Variants in CYP4X1 observed in about 807,000 individuals in gnomAD.
CYP4X1 encodes cytochrome P450 4X1.
In CYP4X1, 44 loss-of-function variants were observed where a neutral mutation model predicts 57.9. The ratio of observed to expected loss-of-function variants is 0.76; its 90% CI spans 0.60 to 0.98. The LOEUF (loss-of-function observed/expected upper bound fraction) is 0.98, where lower values mean the gene tolerates loss of function less well. CYP4X1 is among the 50% of genes least tolerant of loss of function. The pLI, the probability that CYP4X1 is intolerant of heterozygous loss-of-function variation, is 0.00. For synonymous variants in CYP4X1, 227 were observed against 228.6 expected (o/e 0.99, Z 0.06); for missense variants, 532 against 623.9 (o/e 0.85, Z 1.57).
At chr1:46,961,675 T>A in the CYP4X1 span, 1 of 1,291,626 alleles carries the variant, frequency 7.7e-7, no homozygotes, top group Non-Finnish European at 1.0e-6. Context: ...GGGAACCCCC[T>A]AGTCTCTATT....
chr1:46,961,816 T>TCTGCC, the CYP4X1 span: 1 of 1,266,594 alleles, frequency 7.9e-7, no homozygotes, highest in East Asian at 5.6e-5. Context: ...CTGGATGACC[T>TCTGCC]CTGCCCTGCC....
intron 6 of CYP4X1, among the ~76,000 whole-genome samples, chr1:47,037,669 T>C (rs1181960715): frequency 5.3e-5 from 8 of 152,140 alleles, no homozygotes; most frequent in African/African-American, 7.2e-5. Context: ...CTGATAGTTA[T>C]AGCAACCATA....
the CYP4X1 span, among the ~76,000 whole-genome samples, chr1:47,017,737 C>T: frequency 6.6e-6 from 1 of 152,164 alleles, no homozygotes; most frequent in Non-Finnish European, 1.5e-5. Flanking sequence ...ATTTGTTTCT[C>T]ACCTACCTGT....
At position 47,030,081 on chromosome 1, in the gene CYP4X1, T is replaced by G. The variant is rs2148506352; in HGVS notation, c.269T>G (p.Phe90Cys). The G allele has an allele frequency of 3.7e-6, 6 of 1,614,126 alleles. No homozygotes were observed. Among genetic ancestry groups the G allele is most frequent in the Middle Eastern group, 1.6e-4 (1 of 6,062 alleles). Residue 90 changes from phenylalanine (F) to cysteine (C), a missense_variant, in exon 2 of 12, where the codon TTT (phenylalanine) becomes TGT (cysteine). Coordinates refer to ENST00000371901, the MANE Select transcript of CYP4X1 (RefSeq NM_178033.2). The stretch of plus-strand genomic sequence containing the variant: ...TTCTGGATTGGGCCCTTTCAGGCAT[T>G]TTTCTGTATCTATGACCCAGACTAT... Reference protein sequence around the residue: ...FPFWIGPFQAFFCIYDPDYAK... With the variant: ...FPFWIGPFQACFCIYDPDYAK...
intron 9 of CYP4X1, 132 bp from the exon 10 acceptor site, chr1:47,048,433 C>T: frequency 1.1e-6 from 1 of 941,456 alleles, no homozygotes; most frequent in Non-Finnish European, 1.8e-6. Context: ...TCACTGGTGT[C>T]ATCAGCTACA....
intron 6 of CYP4X1, 79 bp from the exon 7 acceptor site, chr1:47,038,581 A>G: frequency 9.4e-7 from 1 of 1,061,318 alleles, no homozygotes; most frequent in Non-Finnish European, 1.4e-6. Flanking sequence ...ATTTGAAGCT[A>G]TTCACTAACC....
In CYP4X1 at chr1:47,030,061, G is replaced by T. The variant is rs1644109221; in HGVS notation, c.249G>T (p.Trp83Cys). ...AATACCCTCGTGCCTTCCCTTTCTGGATTGGGCCCTTTCAGGCATTTTTCT... is the reference window on the plus strand; with the variant it reads ...AATACCCTCGTGCCTTCCCTTTCTGTATTGGGCCCTTTCAGGCATTTTTCT... The part of the protein sequence containing the change: ...IEKYPRAFPF[W>C]IGPFQAFFCI... Residue 83 changes from tryptophan to cysteine, a missense_variant, in exon 2 of 12, where the codon TGG becomes TGT. Coordinates refer to ENST00000371901, the MANE Select transcript of CYP4X1 (RefSeq NM_178033.2). 1 of 1,613,972 alleles carries T rather than the reference G, an allele frequency of 6.2e-7. No homozygotes were observed. The highest frequency in any genetic ancestry group is 1.7e-5 in the Admixed American group (1 of 59,984).
At chr1:47,027,996 G>A (rs1462647645) in intron 1 of CYP4X1, among the ~76,000 whole-genome samples, 2 of 152,200 alleles carry the variant, frequency 1.3e-5, no homozygotes, top group African/African-American at 2.4e-5. Flanking sequence ...GCATGGTACA[G>A]TTCCTGGTGC....
the CYP4X1 span, among the ~76,000 whole-genome samples, chr1:47,011,493 T>C: frequency 1.3e-5 from 2 of 152,048 alleles, no homozygotes; most frequent in East Asian, 1.9e-4. Context: ...AGAACATAGG[T>C]ATGGGCAAGG....
the CYP4X1 span, chr1:46,961,589 T>C: frequency 3.9e-6 from 5 of 1,272,040 alleles, no homozygotes; most frequent in African/African-American, 4.6e-5. Context: ...GGCTATGATG[T>C]GGGGAGGAGG....
At chr1:47,019,620 T>G (rs1643975892), upstream of CYP4X1, among the ~76,000 whole-genome samples, 1 of 152,210 alleles carries the variant, frequency 6.6e-6, no homozygotes, top group African/African-American at 2.4e-5. Flanking sequence ...CCATCATATC[T>G]TATCTGAATA....
intron 7 of CYP4X1, 71 bp from the exon 8 acceptor site, chr1:47,039,271 T>G: frequency 3.7e-6 from 5 of 1,356,284 alleles, no homozygotes; most frequent in Non-Finnish European, 5.0e-6. Context: ...CCTCAAATCA[T>G]TATTGTGGTT....
the CYP4X1 span, among the ~76,000 whole-genome samples, chr1:47,011,635 GA>G: frequency 1.3e-5 from 2 of 152,114 alleles, no homozygotes; most frequent in South Asian, 4.2e-4. Context: ...TACAGAATGG[GA>G]AAAAATTTTT....
chr1:46,991,882 T>C, the CYP4X1 span, among the ~76,000 whole-genome samples: 1 of 152,140 alleles, frequency 6.6e-6, no homozygotes, highest in Non-Finnish European at 1.5e-5. Flanking sequence ...ATAGAGACAA[T>C]AATCTTAATC....
chr1:47,048,397 C>G (rs915891840), intron 9 of CYP4X1, among the ~76,000 whole-genome samples, 168 bp from the exon 10 acceptor site: 1 of 152,168 alleles, frequency 6.6e-6, no homozygotes, highest in Non-Finnish European at 1.5e-5. Context: ...AGGTGCCAAC[C>G]CAAGCCGCAT....
chr1:47,019,761 G>A (rs1383688565), upstream of CYP4X1, among the ~76,000 whole-genome samples: 1 of 152,150 alleles, frequency 6.6e-6, no homozygotes, highest in Non-Finnish European at 1.5e-5. Flanking sequence ...TTTACTCTCT[G>A]ATGTCCTTGG....
At chr1:47,036,350 T>C (rs1030144895) in intron 6 of CYP4X1, among the ~76,000 whole-genome samples, 179 bp downstream of exon 6, 1 of 110,446 alleles carries the variant, frequency 9.1e-6, no homozygotes, top group African/African-American at 3.3e-5. Context: ...GCTTCAACCA[T>C]AGCAGTATTA....
upstream of CYP4X1, among the ~76,000 whole-genome samples, chr1:47,022,617 G>A (rs1484262316): frequency 3.3e-5 from 5 of 152,066 alleles, no homozygotes; most frequent in South Asian, 2.1e-4. Flanking sequence ...TCACTTACCC[G>A]CCAAATAAAA....
chr1:46,973,810 C>T, the CYP4X1 span, among the ~76,000 whole-genome samples: 1 of 151,828 alleles, frequency 6.6e-6, no homozygotes, highest in Non-Finnish European at 1.5e-5. Context: ...GGATCATCTT[C>T]CTTTTTTCTA....
Sources: gnomAD v4.1 joint callset for allele counts (sites outside exome capture counted in the v4.1 genomes callset) on GRCh38, gnomAD v4.1.1 for gene constraint, MANE v1.5 for transcripts, NCBI Gene and HGNC (gene_info 2026-07-23, HGNC 2026-07-21) for gene names.